PRR5L: variants seen among roughly 807,000 people sequenced by gnomAD.
PRR5L encodes the protein proline rich 5 like.
PRR5L carries 21 observed loss-of-function variants against 36.4 expected under a neutral mutation model. The ratio of observed to expected loss-of-function variants is 0.58; its 90% CI spans 0.41 to 0.83. The LOEUF is 0.83. PRR5L is among the 40% of genes least tolerant of loss of function. The probability of loss-of-function intolerance (pLI) is 0.00; values close to 1 mark genes in which losing one functional copy is unlikely to be tolerated. For missense variants in PRR5L, 381 were observed against 473.3 expected, an observed-to-expected ratio of 0.80 and a Z score of 1.81; for synonymous variants, 188 against 197.0, an observed-to-expected ratio of 0.95 and a Z score of 0.38.
intron 1 of PRR5L, among the ~76,000 whole-genome samples, chr11:36,350,324 TGTGA>T: frequency 6.6e-6 from 1 of 151,046 alleles, no homozygotes; most frequent in African/African-American, 2.4e-5. Flanking sequence ...TGTGTGAATG[TGTGA>T]GTGTGTGTGT....
At chr11:36,366,913 T>G (rs1857150209) in intron 1 of PRR5L, among the ~76,000 whole-genome samples, 1 of 152,146 alleles carries the variant, frequency 6.6e-6, no homozygotes, top group African/African-American at 2.4e-5. Flanking sequence ...CCTCCCTTCC[T>G]TCCCTTCTCC....
chr11:36,357,689 C>T (rs2133498825), intron 1 of PRR5L, among the ~76,000 whole-genome samples: 1 of 152,182 alleles, frequency 6.6e-6, no homozygotes, highest in South Asian at 2.1e-4. Flanking sequence ...TTTAAGCCCA[C>T]TGTTGAGACT....
intron 4 of PRR5L, among the ~76,000 whole-genome samples, chr11:36,428,759 T>C (rs951276625): frequency 6.6e-6 from 1 of 152,144 alleles, no homozygotes; most frequent in African/African-American, 2.4e-5. Flanking sequence ...GGGGGTTATA[T>C]AAGGATTTTC....
At chr11:36,400,357 A>G (rs1857764701) in intron 1 of PRR5L, among the ~76,000 whole-genome samples, 1 of 152,178 alleles carries the variant, frequency 6.6e-6, no homozygotes, top group Non-Finnish European at 1.5e-5. Context: ...AAAGACTGTT[A>G]TCTTCTCCAT....
chr11:36,397,864 C>T (rs917601611), intron 1 of PRR5L, among the ~76,000 whole-genome samples: 7 of 151,628 alleles, frequency 4.6e-5, no homozygotes, highest in African/African-American at 1.7e-4. Flanking sequence ...GGCACGATCT[C>T]GGATCACCGC....
intron 5 of PRR5L, among the ~76,000 whole-genome samples, chr11:36,434,452 C>T (rs1564948235): frequency 6.6e-6 from 1 of 152,222 alleles, no homozygotes; most frequent in Admixed American, 6.5e-5. Flanking sequence ...TAGGTACTTA[C>T]ATGTCTATAT....
rs539327622 is a variant in PRR5L, at chr11:36,376,795, T to C, written c.-125-24202T>C. 3.0e-5 allele frequency: 27 copies of C among 901,010 alleles called. No homozygotes were observed. In the African/African-American group the frequency reaches 4.9e-4, roughly 16 times the overall value. 55.8% of individuals were successfully genotyped at this position (901,010 alleles called of 1,614,324 possible). ...TTGAGCGAAAATTACCGCGCGCTAA[T>C]CTGACGGGGCGCGGCGTGGCGGGGG... On this transcript the variant is annotated intron_variant, in intron 1 of 8. Coordinates refer to ENST00000530639, the MANE Select transcript of PRR5L (RefSeq NM_001160167.2).
intron 1 of PRR5L, among the ~76,000 whole-genome samples, chr11:36,355,914 G>T (rs915842202): frequency 2.0e-5 from 3 of 150,554 alleles, no homozygotes; most frequent in African/African-American, 2.5e-5. Flanking sequence ...CCTGATCTTT[G>T]CTTTTTTTTT....
intron 1 of PRR5L, among the ~76,000 whole-genome samples, chr11:36,333,853 A>G (rs1412655461): frequency 6.6e-6 from 1 of 152,210 alleles, no homozygotes; most frequent in African/African-American, 2.4e-5. Flanking sequence ...TACACTTTAA[A>G]TGGATGCAGG....
Position 36,405,282 on chromosome 11 carries a change from C to T in PRR5L, c.245+1904C>T, listed in dbSNP as rs114676693. Among the ~76,000 whole-genome samples, 1,108 of 152,312 alleles carry T rather than the reference C, an allele frequency of 7.3e-3. 13 individuals carry two copies. The highest frequency in any genetic ancestry group is 0.026 in the African/African-American group (1,069 of 41,564). On this transcript the variant is annotated intron_variant, in intron 3 of 8. Coordinates refer to ENST00000530639, the MANE Select transcript of PRR5L (RefSeq NM_001160167.2). Reference sequence around the variant, plus strand: ...CTGGTAGAACACAGGCCCACTGATACATCTCTTATTTTTCAAGAAGAACTG... The same window carrying T: ...CTGGTAGAACACAGGCCCACTGATATATCTCTTATTTTTCAAGAAGAACTG...
intron 1 of PRR5L, among the ~76,000 whole-genome samples, chr11:36,300,375 A>C (rs1856362203): frequency 6.6e-6 from 1 of 152,140 alleles, no homozygotes; most frequent in African/African-American, 2.4e-5. Context: ...GTGAACTTAC[A>C]GGGTAAGAAC....
At chr11:36,431,768 C>T (rs1369293830) in intron 4 of PRR5L, 85 bp from the exon 5 acceptor site, 39 of 1,257,916 alleles carry the variant, frequency 3.1e-5, no homozygotes, top group Non-Finnish European at 4.5e-5. Context: ...AACTCTGTGC[C>T]CTTGCCCACT....
chr11:36,450,797 G>A (rs1242336208), intron 7 of PRR5L, among the ~76,000 whole-genome samples: 1 of 152,212 alleles, frequency 6.6e-6, no homozygotes, highest in Non-Finnish European at 1.5e-5. Context: ...TCCACAGAAG[G>A]GGGATAATAA....
intron 2 of PRR5L, among the ~76,000 whole-genome samples, chr11:36,402,496 G>C (rs546310582): frequency 7.2e-5 from 11 of 152,306 alleles, no homozygotes; most frequent in Admixed American, 6.5e-4. Context: ...ACCTGCCTCT[G>C]CCTCCCAAAG....
chr11:36,436,946 G>A (rs1479897799), intron 5 of PRR5L, among the ~76,000 whole-genome samples: 1 of 152,174 alleles, frequency 6.6e-6, no homozygotes. Flanking sequence ...TTGGAGGATG[G>A]AAAGGCATAT....
At chr11:36,352,877 G>A (rs1484497816) in intron 1 of PRR5L, among the ~76,000 whole-genome samples, 1 of 152,184 alleles carries the variant, frequency 6.6e-6, no homozygotes, top group Non-Finnish European at 1.5e-5. Flanking sequence ...TGGAGGGGTG[G>A]ACAGCCATAT....
At chr11:36,454,767 C>G in intron 8 of PRR5L, 1 of 152,680 alleles carries the variant, frequency 6.5e-6, no homozygotes, top group African/African-American at 2.4e-5. Flanking sequence ...TGTTTGACTG[C>G]ACGAGGATTC....
intron 1 of PRR5L, among the ~76,000 whole-genome samples, chr11:36,384,592 C>T (rs1438157918): frequency 6.6e-6 from 1 of 152,156 alleles, no homozygotes; most frequent in Non-Finnish European, 1.5e-5. Context: ...CCTGTTATAC[C>T]TGGCTATACT....
chr11:36,417,030 G>A (rs542048946), intron 3 of PRR5L, among the ~76,000 whole-genome samples: 19 of 152,060 alleles, frequency 1.2e-4, no homozygotes, highest in Non-Finnish European at 2.4e-4. Flanking sequence ...CCTTAACCCC[G>A]ACCTTTTTCT....
Sources: gnomAD v4.1 joint callset for allele counts (sites outside exome capture counted in the v4.1 genomes callset) on GRCh38, gnomAD v4.1.1 for gene constraint, MANE v1.5 for transcripts, NCBI Gene and HGNC (gene_info 2026-07-23, HGNC 2026-07-21) for gene names.